Variants in ERG observed in about 807,000 individuals in gnomAD.
ERG encodes transcriptional regulator ERG.
In ERG, 9 loss-of-function variants were observed where a neutral mutation model predicts 55.3. The ratio of observed to expected loss-of-function variants is 0.16; its 90% CI spans 0.10 to 0.28. ERG has a LOEUF of 0.28. ERG is among the 10% of genes least tolerant of loss of function. The probability of loss-of-function intolerance (pLI) is 1.00; values close to 1 mark genes in which losing one functional copy is unlikely to be tolerated. For missense variants in ERG, 434 were observed against 631.6 expected (o/e 0.69, Z 3.35); for synonymous variants, 223 against 237.3 (o/e 0.94, Z 0.55).
At chr21:38,550,452 G>T (rs144190334) in intron 2 of ERG, among the ~76,000 whole-genome samples, 293 of 152,312 alleles carry the variant, frequency 1.9e-3, no homozygotes, top group African/African-American at 6.5e-3. Context: ...AAGGTGACTA[G>T]GTCATAAGGA....
In ERG at chr21:38,601,194, A is replaced by G. The variant is rs529329708; in HGVS notation, c.-149-16249T>C. Reference sequence around the variant, plus strand: ...CAACAACTCAGATGACAGAGTCCACAACGCGGCAGCCAGATCAGGCAGGAA... The same window carrying G: ...CAACAACTCAGATGACAGAGTCCACGACGCGGCAGCCAGATCAGGCAGGAA... On this transcript the variant is annotated intron_variant, in intron 1 of 10. Transcript: ENST00000398910. 4.7e-3 allele frequency among the ~76,000 whole-genome samples: 713 copies of G among 152,308 alleles called. 5 individuals carry two copies. The highest frequency in any genetic ancestry group is 0.017 in the African/African-American group (686 of 41,558).
chr21:38,369,508 T>C, the ERG span, among the ~76,000 whole-genome samples: 2 of 152,218 alleles, frequency 1.3e-5, no homozygotes, highest in African/African-American at 2.4e-5. Context: ...AAGTTCCTTA[T>C]AGATGCTGGA....
At position 38,542,734 on chromosome 21, in the gene ERG, T is replaced by C. The variant is rs538089446; in HGVS notation, c.-41+32928A>G. Among the ~76,000 whole-genome samples, 3 of 152,282 alleles carry C rather than the reference T, an allele frequency of 2.0e-5. No homozygotes were observed. In the East Asian group the frequency reaches 5.8e-4, roughly 29 times the overall value. On this transcript the variant is annotated intron_variant, in intron 2 of 8. Coordinates refer to the ERG transcript ENST00000398897. ...AAAACTGTGAGGACCAATGGGGTGA[T>C]AAGAGACAAAATAAACAGTAAATAG...
At chr21:38,397,259 C>A (rs1601331750) in intron 6 of ERG, among the ~76,000 whole-genome samples, 3 of 151,986 alleles carry the variant, frequency 2.0e-5, no homozygotes, top group East Asian at 1.9e-4. Context: ...TCAGGGGGCT[C>A]TGGAATAAAT....
At chr21:38,572,902 GA>G (rs577085401) in intron 2 of ERG, among the ~76,000 whole-genome samples, 19 of 152,314 alleles carry the variant, frequency 1.2e-4, no homozygotes, top group African/African-American at 4.3e-4. Flanking sequence ...TGTCTATGTA[GA>G]AAGGAAAGAC....
chr21:38,626,211 G>A (rs567706021), intron 1 of ERG, among the ~76,000 whole-genome samples: 42 of 152,146 alleles, frequency 2.8e-4, no homozygotes, highest in African/African-American at 8.7e-4. Flanking sequence ...CGTGAGCCAC[G>A]TTTGGCCAAC....
At chr21:38,570,334 T>C (rs1384345611) in intron 2 of ERG, among the ~76,000 whole-genome samples, 1 of 152,258 alleles carries the variant, frequency 6.6e-6, no homozygotes, top group Non-Finnish European at 1.5e-5. Flanking sequence ...TAGGTATGTA[T>C]GTACCCTGGA....
chr21:38,588,858 A>G (rs1341875171), upstream of ERG, among the ~76,000 whole-genome samples: 2 of 151,748 alleles, frequency 1.3e-5, no homozygotes, highest in Admixed American at 1.3e-4. Context: ...CTCAGACTAT[A>G]GGAAAAAGAG....
upstream of ERG, among the ~76,000 whole-genome samples, chr21:38,500,822 A>G (rs1278477371): frequency 6.6e-6 from 1 of 152,216 alleles, no homozygotes; most frequent in Non-Finnish European, 1.5e-5. Flanking sequence ...CAAACATAAA[A>G]AGTGATCTAA....
chr21:38,497,694 T>A (rs558147876), intron 1 of ERG, among the ~76,000 whole-genome samples: 4 of 152,294 alleles, frequency 2.6e-5, no homozygotes, highest in African/African-American at 9.6e-5. Context: ...GGCCATTGCT[T>A]TCCAATCTCC....
intron 1 of ERG, among the ~76,000 whole-genome samples, chr21:38,495,222 C>A (rs116482759): frequency 5.0e-4 from 76 of 152,284 alleles, no homozygotes; most frequent in African/African-American, 1.7e-3. Context: ...TGATAGCAAA[C>A]GTTCAAGAAG....
chr21:38,540,475 A>T (rs2059744415), intron 2 of ERG, among the ~76,000 whole-genome samples: 1 of 152,160 alleles, frequency 6.6e-6, no homozygotes, highest in African/African-American at 2.4e-5. Flanking sequence ...TTATTAGTAA[A>T]CTGCAAACCC....
In ERG at chr21:38,559,042, G is replaced by A. The variant is rs189115222; in HGVS notation, c.-41+16620C>T. Among the ~76,000 whole-genome samples, 78 of 152,278 alleles carry A rather than the reference G, an allele frequency of 5.1e-4. 1 individual carries two copies. The highest frequency in any genetic ancestry group is 1.7e-3 in the African/African-American group (69 of 41,546). On this transcript the variant is annotated intron_variant, in intron 2 of 8. Coordinates refer to the ERG transcript ENST00000398897. Reference sequence around the variant, plus strand: ...TCTTTTGCATGCACAGGGCAGAACCGGTGCCTCAGGCTGGAGGGTGTCTGT... The same window carrying A: ...TCTTTTGCATGCACAGGGCAGAACCAGTGCCTCAGGCTGGAGGGTGTCTGT...
At chr21:38,426,849 G>GAA (rs1989850848) in intron 2 of ERG, among the ~76,000 whole-genome samples, 2 of 151,610 alleles carry the variant, frequency 1.3e-5, no homozygotes, top group Admixed American at 1.3e-4. Flanking sequence ...AGAATCGCTT[G>GAA]AACCAGGGAG....
intron 2 of ERG, among the ~76,000 whole-genome samples, chr21:38,512,769 A>G (rs2059522247): frequency 6.6e-6 from 1 of 152,220 alleles, no homozygotes; most frequent in African/African-American, 2.4e-5. Flanking sequence ...GTAATCAGAT[A>G]AAGTATTTTA....
intron 1 of ERG, among the ~76,000 whole-genome samples, chr21:38,576,008 C>A (rs1262276985): frequency 1.3e-5 from 2 of 152,250 alleles, no homozygotes; most frequent in African/African-American, 2.4e-5. Flanking sequence ...CTCAAGCTAA[C>A]CCACATCACA....
chr21:38,558,177 A>G (rs181273555), intron 2 of ERG, among the ~76,000 whole-genome samples: 1 of 152,092 alleles, frequency 6.6e-6, no homozygotes, highest in Non-Finnish European at 1.5e-5. Context: ...CACTCAACTC[A>G]TCATTGATTT....
At chr21:38,602,903 G>T (rs7281963) in intron 1 of ERG, among the ~76,000 whole-genome samples, 10,907 of 151,922 alleles carry the variant, frequency 0.072, 778 homozygotes, top group African/African-American at 0.18. Context: ...CTTCTGAGAA[G>T]TGAAGGGCAA....
chr21:38,610,524 C>CGTGTGT (rs149000999), intron 1 of ERG, among the ~76,000 whole-genome samples: 41 of 117,290 alleles, frequency 3.5e-4, no homozygotes, highest in African/African-American at 1.4e-3. Context: ...TGCGCGCACG[C>CGTGTGT]GCGTGTGTGT....
Sources: gnomAD v4.1 joint callset for allele counts (sites outside exome capture counted in the v4.1 genomes callset) on GRCh38, gnomAD v4.1.1 for gene constraint, MANE v1.5 for transcripts, NCBI Gene and HGNC (gene_info 2026-07-23, HGNC 2026-07-21) for gene names.